Variants in MARCHF8 observed in about 807,000 individuals in gnomAD.
MARCHF8 encodes E3 ubiquitin-protein ligase MARCHF8.
A neutral mutation model predicts 51.6 loss-of-function variants in MARCHF8; 40 were observed. That is an observed-to-expected ratio of 0.77 (90% CI 0.60 to 1.01). The LOEUF is 1.01. Among genes scored for constraint, MARCHF8 ranks in the 50% least tolerant of loss-of-function variants. The probability of loss-of-function intolerance (pLI) is 0.00; values close to 1 mark genes in which losing one functional copy is unlikely to be tolerated. For missense variants in MARCHF8, 685 were observed against 708.6 expected, an observed-to-expected ratio of 0.97 and a Z score of 0.38; for synonymous variants, 263 against 280.3, an observed-to-expected ratio of 0.94 and a Z score of 0.62.
At chr10:45,481,061 A>T (rs894150692) in intron 3 of MARCHF8, among the ~76,000 whole-genome samples, 16 of 152,256 alleles carry the variant, frequency 1.1e-4, no homozygotes, top group Non-Finnish European at 1.8e-4. Flanking sequence ...CATGACCTGG[A>T]TGTGAGACAT....
intron 3 of MARCHF8, among the ~76,000 whole-genome samples, chr10:45,481,092 T>C (rs35424022): frequency 0.062 from 9,440 of 152,318 alleles, 332 homozygotes; most frequent in Non-Finnish European, 0.067. Context: ...GAGATCACTT[T>C]GGAGCTTTAA....
rs937578326 is a variant in MARCHF8, at chr10:45,479,595, A to G, written c.153+9772T>C. Among the ~76,000 whole-genome samples the G allele has an allele frequency of 3.3e-5, 5 of 152,140 alleles. No individual in the cohort carries two copies. In the East Asian group the frequency reaches 7.7e-4, roughly 23 times the overall value. ...CCCCATACTGTTCTTGTGGTAGTGA[A>G]TAAGTCTCATGAAATCTCATTTTGT... On this transcript the variant is annotated intron_variant, in intron 3 of 7. Transcript: ENST00000453424.
rs541695594 is a variant in MARCHF8, at chr10:45,457,103, C to A, written c.*1136G>T. ...GCAGAAGCCTCACAGTGGGCCAGCA[C>A]CCATCTTGCATGCAAGGGAGAACCT... On this transcript the variant is annotated 3_prime_UTR_variant, in exon 8 of 8. Coordinates refer to ENST00000453424, the MANE Select transcript of MARCHF8 (RefSeq NM_001282866.2). The A allele has an allele frequency of 2.6e-5, 4 of 152,386 alleles. No individual in the cohort carries two copies. Among genetic ancestry groups the A allele is most frequent in the African/African-American group, 7.2e-5 (3 of 41,544 alleles). 9.4% of individuals were successfully genotyped at this position (152,386 alleles called of 1,614,324 possible). A position where few individuals can be genotyped will look rare whatever the true frequency, so the allele number is the denominator to read the frequency against.
chr10:45,554,775 C>A lies in MARCHF8; in HGVS notation c.-78-21486G>T, dbSNP rs537432019. Among the ~76,000 whole-genome samples the A allele has an allele frequency of 2.0e-5, 3 of 152,168 alleles. No homozygotes were observed. The East Asian group carries it at 5.8e-4, about 29-fold the overall frequency. On this transcript the variant is annotated intron_variant, in intron 1 of 6. Coordinates refer to the MARCHF8 transcript ENST00000319836. ...CTCTAGTAAAAATATAAAATTAGGG[C>A]CGGGCGTGGTTGCCCACACCTGTAA...
intron 2 of MARCHF8, among the ~76,000 whole-genome samples, chr10:45,500,802 C>T (rs1252355341): frequency 1.3e-5 from 2 of 151,792 alleles, no homozygotes; most frequent in Non-Finnish European, 2.9e-5. Context: ...ACAAAGTCCT[C>T]GAAGGAGTCC....
rs543463938 is a variant in MARCHF8, at chr10:45,540,975, A to T, written c.-78-7686T>A. ...AACACTTTTACACTGTTGGTGGGAC[A>T]GTAAACTAGTTCAACCATTGTGGAA... On this transcript the variant is annotated intron_variant, in intron 1 of 6. Coordinates refer to the MARCHF8 transcript ENST00000319836. Among the ~76,000 whole-genome samples, 249 of 152,330 alleles carry T rather than the reference A, an allele frequency of 1.6e-3. 2 individuals carry two copies. The highest frequency in any genetic ancestry group is 3.2e-3 in the African/African-American group (135 of 41,580).
At chr10:45,495,945 C>G (rs1234027241) in intron 2 of MARCHF8, among the ~76,000 whole-genome samples, 1 of 152,046 alleles carries the variant, frequency 6.6e-6, no homozygotes, top group African/African-American at 2.4e-5. Flanking sequence ...ATCATATTCT[C>G]CATGGTACAT....
intron 1 of MARCHF8, among the ~76,000 whole-genome samples, chr10:45,563,636 G>A (rs1419559717): frequency 6.6e-6 from 1 of 152,080 alleles, no homozygotes; most frequent in Non-Finnish European, 1.5e-5. Flanking sequence ...AAAAGAGCAC[G>A]GAAAGTGTCA....
At chr10:45,525,485 G>A (rs1163782419) in intron 2 of MARCHF8, among the ~76,000 whole-genome samples, 1 of 152,096 alleles carries the variant, frequency 6.6e-6, no homozygotes, top group African/African-American at 2.4e-5. Context: ...CTTGCAATTT[G>A]GGTTCCAGAC....
chr10:45,533,031 A>C, intron 2 of MARCHF8, 79 bp downstream of exon 2: 1 of 1,082,920 alleles, frequency 9.2e-7, no homozygotes, highest in African/African-American at 1.6e-5. Context: ...TGACCTTTAG[A>C]GTTTAAGCAC....
intron 1 of MARCHF8, among the ~76,000 whole-genome samples, chr10:45,564,652 T>C (rs577596085): frequency 1.3e-5 from 2 of 152,134 alleles, no homozygotes; most frequent in African/African-American, 2.4e-5. Flanking sequence ...GAACACTAAG[T>C]AGGATTAATA....
intron 1 of MARCHF8, among the ~76,000 whole-genome samples, chr10:45,552,272 T>C (rs2044204466): frequency 6.6e-6 from 1 of 151,304 alleles, no homozygotes; most frequent in Non-Finnish European, 1.5e-5. Flanking sequence ...TAAAAACTAG[T>C]AGTTTTATTA....
chr10:45,528,661 A>G (rs568562932), intron 2 of MARCHF8, among the ~76,000 whole-genome samples: 1 of 152,192 alleles, frequency 6.6e-6, no homozygotes, highest in Admixed American at 6.6e-5. Flanking sequence ...AGGAATCAGT[A>G]GCATTTCTAT....
At chr10:45,513,233 A>C (rs2043562424) in intron 2 of MARCHF8, among the ~76,000 whole-genome samples, 1 of 151,806 alleles carries the variant, frequency 6.6e-6, no homozygotes, top group African/African-American at 2.4e-5. Flanking sequence ...AAAAAAAAAT[A>C]AATAAAATAA....
At chr10:45,470,414 G>A (rs998877917) in intron 3 of MARCHF8, among the ~76,000 whole-genome samples, 1 of 152,094 alleles carries the variant, frequency 6.6e-6, no homozygotes, top group East Asian at 1.9e-4. Context: ...GCCCACTTGC[G>A]GTATCAATCT....
chr10:45,530,502 C>T (rs1001078319), intron 2 of MARCHF8, among the ~76,000 whole-genome samples: 6 of 152,258 alleles, frequency 3.9e-5, no homozygotes, highest in Admixed American at 1.3e-4. Flanking sequence ...TGAAACTGGG[C>T]CAGGTGCAGT....
chr10:45,560,833 T>C (rs2044302316), intron 1 of MARCHF8, among the ~76,000 whole-genome samples: 1 of 152,234 alleles, frequency 6.6e-6, no homozygotes, highest in Non-Finnish European at 1.5e-5. Context: ...CAGCTCCAGT[T>C]TCCTTGTGAT....
chr10:45,577,269 CAA>C (rs529792741), intron 1 of MARCHF8, among the ~76,000 whole-genome samples: 1 of 142,210 alleles, frequency 7.0e-6, no homozygotes, highest in African/African-American at 2.6e-5. Context: ...TTAATGGGCA[CAA>C]AAAAAAAATT....
At position 45,561,440 on chromosome 10, in the gene MARCHF8, A is replaced by G. The variant is rs939839807; in HGVS notation, c.-78-28151T>C. 5.3e-5 allele frequency among the ~76,000 whole-genome samples: 8 copies of G among 151,406 alleles called. No homozygotes were observed. The East Asian group carries it at 1.6e-3, about 30-fold the overall frequency. ...CAGGCGTGTGCCACCACATCCGGCT[A>G]ATTTTTGTATTTTTAGTGGAGACGG... is the stretch of plus-strand genomic sequence containing the variant. On this transcript the variant is annotated intron_variant, in intron 1 of 6. Coordinates refer to the MARCHF8 transcript ENST00000319836.
Sources: gnomAD v4.1 joint callset for allele counts (sites outside exome capture counted in the v4.1 genomes callset) on GRCh38, gnomAD v4.1.1 for gene constraint, MANE v1.5 for transcripts, NCBI Gene and HGNC (gene_info 2026-07-23, HGNC 2026-07-21) for gene names.